MGAT5B: variants seen among roughly 807,000 people sequenced by gnomAD.
The protein encoded by MGAT5B is alpha-1,6-mannosylglycoprotein 6-beta-N-acetylglucosaminyltransferase B.
MGAT5B carries 54 observed loss-of-function variants against 95.1 expected under a neutral mutation model. The observed-to-expected ratio is 0.57, with a 90% CI of 0.46 to 0.71. MGAT5B has a LOEUF of 0.71. Ranked by LOEUF, MGAT5B falls within the 30% of genes least tolerant of loss-of-function variation. The pLI is 0.00. For synonymous variants in MGAT5B, 464 were observed against 451.0 expected (o/e 1.03, Z -0.36); for missense variants, 935 against 1,088.6 (o/e 0.86, Z 1.99).
At chr17:76,937,599 G>A (rs1036062853) in intron 12 of MGAT5B, among the ~76,000 whole-genome samples, 5 of 151,992 alleles carry the variant, frequency 3.3e-5, no homozygotes, top group Non-Finnish European at 2.9e-5. Flanking sequence ...TAGGATGGAT[G>A]GGATGGGTGA....
chr17:76,927,910 G>C (rs965210707), intron 10 of MGAT5B, among the ~76,000 whole-genome samples: 1 of 152,250 alleles, frequency 6.6e-6, no homozygotes, highest in Non-Finnish European at 1.5e-5. Flanking sequence ...TCTGAGCAGA[G>C]TCCTGACGGA....
At chr17:76,935,802 T>A (rs1051954990) in intron 12 of MGAT5B, among the ~76,000 whole-genome samples, 10 of 142,410 alleles carry the variant, frequency 7.0e-5, no homozygotes, top group Admixed American at 3.7e-4. Context: ...ATATATATAT[T>A]ATATATATTA....
chr17:76,946,274 A>T (rs1970026316), intron 15 of MGAT5B, 102 bp from the exon 16 acceptor site: 1 of 963,212 alleles, frequency 1.0e-6, no homozygotes, highest in African/African-American at 1.6e-5. Context: ...ATGGCACAGG[A>T]TGTGAGAGCC....
Position 76,940,755 on chromosome 17 carries a change from G to T in MGAT5B, c.1755G>T (p.Ala585=). The change falls in exon 15 of 18, where the codon GCG becomes GCT. Residue 585 remains alanine (A), a synonymous_variant. Coordinates refer to ENST00000569840, the MANE Select transcript of MGAT5B (RefSeq NM_001199172.2). The surrounding 1 kb of genome is among the most constrained non-coding windows in gnomAD (Gnocchi z 4.3). ...SREVFSQHPY[A]ENFIGKPHVW... is the part of the protein sequence containing the mutation. Reference sequence around the variant, plus strand: ...AGGTGTTCTCCCAGCATCCCTACGCGGAGAACTTCATCGGCAAGCCCCACG... The same window carrying T: ...AGGTGTTCTCCCAGCATCCCTACGCTGAGAACTTCATCGGCAAGCCCCACG... The T allele has an allele frequency of 6.2e-7, 1 of 1,614,092 alleles. No homozygotes were observed. The highest frequency in any genetic ancestry group is 8.5e-7 in the Non-Finnish European group (1 of 1,180,026).
chr17:76,910,846 C>T (rs912528402), intron 8 of MGAT5B, among the ~76,000 whole-genome samples: 1 of 152,232 alleles, frequency 6.6e-6, no homozygotes, highest in Non-Finnish European at 1.5e-5. Flanking sequence ...AATGAACGAT[C>T]TGGCTCAGAC....
Position 76,906,053 on chromosome 17 carries a change from CG to C in MGAT5B, c.895del (p.Asp299ThrfsTer8). 6.2e-7 allele frequency: 1 copy of C among 1,608,998 alleles called. No homozygotes were observed. The highest frequency in any genetic ancestry group is 8.5e-7 in the Non-Finnish European group (1 of 1,177,782). Reference sequence around the variant, plus strand: ...ACATCGGCTTCCTGACGGAGGAGTCCGGGGACGTGTTCAGCCCTCGGGTCCT... The same window carrying C: ...ACATCGGCTTCCTGACGGAGGAGTCCGGGACGTGTTCAGCCCTCGGGTCCT... ...VHIGFLTEES[G>X]DVFSPRVLKG... On this transcript the variant is annotated frameshift_variant, in exon 8 of 18. Coordinates refer to ENST00000569840, the MANE Select transcript of MGAT5B (RefSeq NM_001199172.2). LOFTEE classifies it high-confidence loss of function. This position sits in a 1 kb window ranked among gnomAD's most constrained non-coding sequence, Gnocchi z 4.6.
rs959464881 is a variant in MGAT5B, at chr17:76,918,395, T to A, written c.1026-6571T>A. 9.8e-5 allele frequency among the ~76,000 whole-genome samples: 15 copies of A among 152,318 alleles called. No homozygotes were observed. Among genetic ancestry groups the A allele is most frequent in the African/African-American group, 3.1e-4 (13 of 41,576 alleles). ...TACATGCTGGGGATGCTCAAGGGCA[T>A]CGCCTTTTCAGGAGATGGGAGCTGA... is the stretch of plus-strand genomic sequence containing the variant. On this transcript the variant is annotated intron_variant, in intron 8 of 17. Coordinates refer to ENST00000569840, the MANE Select transcript of MGAT5B (RefSeq NM_001199172.2). The surrounding 1 kb of genome is among the most constrained non-coding windows in gnomAD (Gnocchi z 5.1).
intron 8 of MGAT5B, among the ~76,000 whole-genome samples, chr17:76,921,398 G>T (rs1969118934): frequency 6.6e-6 from 1 of 152,214 alleles, no homozygotes; most frequent in Admixed American, 6.5e-5. Context: ...TCAAGACTTT[G>T]ACTTCACACT....
chr17:76,899,514 A>G (rs1006772026), intron 3 of MGAT5B, among the ~76,000 whole-genome samples: 2 of 152,014 alleles, frequency 1.3e-5, no homozygotes, highest in African/African-American at 2.4e-5. Context: ...GCTCATGCCT[A>G]TTGTCCCAGC....
intron 3 of MGAT5B, among the ~76,000 whole-genome samples, chr17:76,891,582 G>A (rs1474240139): frequency 6.6e-6 from 1 of 152,174 alleles, no homozygotes; most frequent in East Asian, 1.9e-4. Context: ...GTTTCACCAT[G>A]TTGCCCAGGG....
chr17:76,947,799 C>T (rs768036533), intron 16 of MGAT5B, 31 bp from the exon 17 acceptor site: 2 of 1,516,384 alleles, frequency 1.3e-6, no homozygotes, highest in Admixed American at 2.2e-5. Flanking sequence ...GGTCGCACTT[C>T]CCCACCCTGA....
Position 76,869,199 on chromosome 17 carries a change from G to T in MGAT5B, c.68+102G>T. The stretch of plus-strand genomic sequence containing the variant: ...TTCAAGTCCTGGTGGCAGAGGGGGC[G>T]GTTCACACTTCAACCCCTGGTGATG... On this transcript the variant is annotated intron_variant, in intron 1 of 17. Transcript: ENST00000569840. This position sits in a 1 kb window ranked among gnomAD's most constrained non-coding sequence, Gnocchi z 7.0. 1.9e-6 allele frequency: 2 copies of T among 1,044,108 alleles called. No individual in the cohort carries two copies. Among genetic ancestry groups the T allele is most frequent in the Non-Finnish European group, 3.0e-6 (2 of 667,180 alleles). 64.7% of individuals were successfully genotyped at this position (1,044,108 alleles called of 1,614,324 possible).
At chr17:76,948,358 G>A (rs1970101564) in intron 17 of MGAT5B, among the ~76,000 whole-genome samples, 1 of 152,244 alleles carries the variant, frequency 6.6e-6, no homozygotes, top group Admixed American at 6.5e-5. Flanking sequence ...CCAGCCTGTG[G>A]GCATCGTCCT....
chr17:76,938,283 C>A lies in MGAT5B; in HGVS notation c.1584+140C>A. 1 of 1,173,918 alleles carries A rather than the reference C, an allele frequency of 8.5e-7. No individual in the cohort carries two copies. The highest frequency in any genetic ancestry group is 1.2e-6 in the Non-Finnish European group (1 of 841,568). 72.7% of individuals were successfully genotyped at this position (1,173,918 alleles called of 1,614,324 possible). A position where few individuals can be genotyped will look rare whatever the true frequency, so the allele number is the denominator to read the frequency against. The stretch of plus-strand genomic sequence containing the variant: ...TGCTCTGCTGCCCTGAGCCCCACAT[C>A]TGGCCAGAGCCCAGGGGCAGAGATG... On this transcript the variant is annotated intron_variant, in intron 13 of 17. Coordinates refer to ENST00000569840, the MANE Select transcript of MGAT5B (RefSeq NM_001199172.2). This position sits in a 1 kb window ranked among gnomAD's most constrained non-coding sequence, Gnocchi z 4.3.
rs1431372527 is a variant in MGAT5B at position 76,912,093 on chromosome 17, T to G, written c.1025+5906T>G. Among the ~76,000 whole-genome samples the G allele has an allele frequency of 6.6e-6, 1 of 152,156 alleles. No homozygotes were observed. Among genetic ancestry groups the G allele is most frequent in the Non-Finnish European group, 1.5e-5 (1 of 68,026 alleles). On this transcript the variant is annotated intron_variant, in intron 8 of 17. Coordinates refer to ENST00000569840, the MANE Select transcript of MGAT5B (RefSeq NM_001199172.2). This position sits in a 1 kb window ranked among gnomAD's most constrained non-coding sequence, Gnocchi z 5.0. ...AGCGTGTCTGTGTCCAGATTTCCCC[T>G]CCCTATAAGGACCTATTGGATTAGG...
chr17:76,945,453 C>T (rs1177097553), intron 15 of MGAT5B, among the ~76,000 whole-genome samples: 1 of 152,134 alleles, frequency 6.6e-6, no homozygotes, highest in Non-Finnish European at 1.5e-5. Flanking sequence ...CCACGCCTAG[C>T]TAATTTTTTT....
In MGAT5B at chr17:76,915,388, A is replaced by G. The variant is rs1215731477; in HGVS notation, c.1025+9201A>G. 6.6e-6 allele frequency among the ~76,000 whole-genome samples: 1 copy of G among 152,052 alleles called. No individual in the cohort carries two copies. Among genetic ancestry groups the G allele is most frequent in the Admixed American group, 6.5e-5 (1 of 15,272 alleles). On this transcript the variant is annotated intron_variant, in intron 8 of 17. Coordinates refer to ENST00000569840, the MANE Select transcript of MGAT5B (RefSeq NM_001199172.2). The surrounding 1 kb of genome is among the most constrained non-coding windows in gnomAD (Gnocchi z 8.7). ...ACTCCTCTCTGACGGTTTCTATTTT[A>G]TCTTCGATGCCGGAGGGGAGAGCAT... is the stretch of plus-strand genomic sequence containing the variant.
intron 3 of MGAT5B, among the ~76,000 whole-genome samples, chr17:76,893,346 C>T (rs1326551642): frequency 6.6e-6 from 1 of 152,208 alleles, no homozygotes; most frequent in Non-Finnish European, 1.5e-5. Context: ...ATGGGGCCTC[C>T]TCTGGGGACA....
chr17:76,880,856 G>A (rs1967385018), intron 2 of MGAT5B, among the ~76,000 whole-genome samples: 1 of 152,158 alleles, frequency 6.6e-6, no homozygotes. Context: ...TCACTCTCCT[G>A]CTGGGGTTTC....
Sources: allele counts gnomAD v4.1 joint callset (sites outside exome capture counted in the v4.1 genomes callset), GRCh38; gene constraint gnomAD v4.1.1; non-coding constraint Gnocchi (gnomAD v3.1); transcripts MANE v1.5; gene names NCBI Gene and HGNC (gene_info 2026-07-23, HGNC 2026-07-21).